The following EGFLAM variants were observed in gnomAD, a reference collection of about 807,000 sequenced individuals.
EGFLAM encodes pikachurin.
EGFLAM carries 79 observed loss-of-function variants against 113.1 expected under a neutral mutation model. The ratio of observed to expected loss-of-function variants is 0.70; its 90% CI spans 0.58 to 0.84. The LOEUF (loss-of-function observed/expected upper bound fraction) is 0.84, where lower values mean the gene tolerates loss of function less well. Ranked by LOEUF, EGFLAM falls within the 40% of genes least tolerant of loss-of-function variation. EGFLAM has a pLI of 0.00. For synonymous variants in EGFLAM, 504 were observed against 487.6 expected (o/e 1.03, Z -0.44); for missense variants, 1,265 against 1,291.6 (o/e 0.98, Z 0.32).
chr5:38,276,687 GAA>G (rs1031866556), intron 1 of EGFLAM, among the ~76,000 whole-genome samples: 2 of 149,578 alleles, frequency 1.3e-5, no homozygotes, highest in African/African-American at 4.9e-5. Flanking sequence ...AGCTAGACTA[GAA>G]AAAAAAGAGA....
At chr5:38,359,280 T>C (rs1739857960) in intron 5 of EGFLAM, among the ~76,000 whole-genome samples, 1 of 152,222 alleles carries the variant, frequency 6.6e-6, no homozygotes, top group African/African-American at 2.4e-5. Context: ...ACCTAGAGTT[T>C]TTCTAAAGGT....
chr5:38,316,403 C>T (rs1036997090), intron 1 of EGFLAM, among the ~76,000 whole-genome samples: 5 of 152,180 alleles, frequency 3.3e-5, no homozygotes, highest in African/African-American at 1.2e-4. Context: ...GGTCCTGGCT[C>T]ATGGTCTGTC....
At chr5:38,293,480 C>G (rs914874178) in intron 1 of EGFLAM, among the ~76,000 whole-genome samples, 2 of 152,166 alleles carry the variant, frequency 1.3e-5, no homozygotes, top group Non-Finnish European at 2.9e-5. Context: ...ACTTGGCTGA[C>G]AAGAATTCCT....
chr5:38,317,046 G>C (rs370435465), intron 1 of EGFLAM, among the ~76,000 whole-genome samples: 1 of 152,164 alleles, frequency 6.6e-6, no homozygotes, highest in African/African-American at 2.4e-5. Flanking sequence ...GGAAACATCT[G>C]TTGTGAAGTC....
At chr5:38,283,713 C>G (rs1758082010) in intron 1 of EGFLAM, among the ~76,000 whole-genome samples, 1 of 152,186 alleles carries the variant, frequency 6.6e-6, no homozygotes, top group African/African-American at 2.4e-5. Context: ...GATCCACCAC[C>G]TCTCTGACTC....
At chr5:38,427,276 C>T (rs1742046973) in intron 14 of EGFLAM, 24 bp downstream of exon 14, 1 of 1,605,566 alleles carries the variant, frequency 6.2e-7, no homozygotes, top group African/African-American at 1.3e-5. Flanking sequence ...ACTTCTGGGA[C>T]TCTTTCCCTT....
At chr5:38,413,325 A>G (rs1187647323) in intron 11 of EGFLAM, among the ~76,000 whole-genome samples, 1 of 149,558 alleles carries the variant, frequency 6.7e-6, no homozygotes, top group Non-Finnish European at 1.5e-5. Flanking sequence ...CACCACACCC[A>G]GCCTAGAAGC....
intron 11 of EGFLAM, among the ~76,000 whole-genome samples, chr5:38,413,981 C>T (rs186618945): frequency 8.5e-5 from 13 of 152,286 alleles, no homozygotes; most frequent in Admixed American, 3.9e-4. Flanking sequence ...TGACAGAAGA[C>T]GGAGCTCAGG....
intron 17 of EGFLAM, among the ~76,000 whole-genome samples, chr5:38,444,712 A>C (rs1561097706): frequency 6.6e-6 from 1 of 152,234 alleles, no homozygotes; most frequent in Non-Finnish European, 1.5e-5. Flanking sequence ...TGGGAGGCCC[A>C]GGCAGGTGGA....
At chr5:38,293,760 T>C (rs1579737048) in intron 1 of EGFLAM, among the ~76,000 whole-genome samples, 1 of 152,218 alleles carries the variant, frequency 6.6e-6, no homozygotes, top group Admixed American at 6.5e-5. Context: ...TGATTTGGTG[T>C]CTACACATAT....
At chr5:38,292,804 G>A (rs768927693) in intron 1 of EGFLAM, among the ~76,000 whole-genome samples, 1 of 152,062 alleles carries the variant, frequency 6.6e-6, no homozygotes, top group Non-Finnish European at 1.5e-5. Flanking sequence ...AATGTTGGAA[G>A]GAAAAGACAG....
intron 19 of EGFLAM, among the ~76,000 whole-genome samples, chr5:38,455,169 T>TAA (rs1290770659): frequency 6.6e-6 from 1 of 152,106 alleles, no homozygotes; most frequent in Admixed American, 6.5e-5. Context: ...TGCTACAATT[T>TAA]AAAGGGGGCA....
intron 1 of EGFLAM, among the ~76,000 whole-genome samples, chr5:38,313,101 A>G (rs1295816658): frequency 1.3e-5 from 2 of 152,190 alleles, no homozygotes; most frequent in East Asian, 1.9e-4. Flanking sequence ...CAAAAAAAAT[A>G]AAATAAAATA....
rs141979044 is a variant in EGFLAM, at chr5:38,438,291, G to A, written c.2300G>A (p.Arg767Gln). The change falls in exon 17 of 22, where the codon CGA (arginine) becomes CAA (glutamine). Residue 767 changes from arginine (R) to glutamine (Q), a missense_variant. Transcript: ENST00000322350. ...GSIQKIILND[R>Q]TIHVKHDFTS... Reference sequence around the variant, plus strand: ...TCTCTCAAGATCATCCTGAATGACCGAACCATCCATGTGAAGCATGACTTC... The same window carrying A: ...TCTCTCAAGATCATCCTGAATGACCAAACCATCCATGTGAAGCATGACTTC... 220 of 1,612,912 alleles carry A rather than the reference G, an allele frequency of 1.4e-4. 1 individual carries two copies. The African/African-American group carries it at 2.6e-3, about 19-fold the overall frequency.
intron 5 of EGFLAM, among the ~76,000 whole-genome samples, chr5:38,357,277 C>T (rs1739787466): frequency 6.6e-6 from 1 of 151,990 alleles, no homozygotes; most frequent in South Asian, 2.1e-4. Flanking sequence ...AAGGCAGACC[C>T]TCACCAGGCA....
intron 6 of EGFLAM, chr5:38,403,742 T>A: frequency 6.5e-7 from 1 of 1,535,238 alleles, no homozygotes; most frequent in Non-Finnish European, 8.8e-7. Flanking sequence ...GTAAATGAAA[T>A]TGCAGAAAGC....
chr5:38,278,800 AT>A (rs35990684), intron 1 of EGFLAM, among the ~76,000 whole-genome samples: 62,270 of 150,034 alleles, frequency 0.42, 13,300 homozygotes, highest in Middle Eastern at 0.59. Flanking sequence ...CTGGTCAATG[AT>A]TTTTTTTTTT....
intron 1 of EGFLAM, among the ~76,000 whole-genome samples, chr5:38,313,360 A>G (rs185559452): frequency 2.1e-4 from 32 of 152,368 alleles, no homozygotes; most frequent in Non-Finnish European, 4.0e-4. Context: ...GCATCATTTC[A>G]GTAATAGGCC....
chr5:38,329,056 G>A (rs1738968160), intron 1 of EGFLAM, among the ~76,000 whole-genome samples: 1 of 152,040 alleles, frequency 6.6e-6, no homozygotes, highest in East Asian at 1.9e-4. Flanking sequence ...GGGTCAAGGC[G>A]GGAGGATTGA....
Sources: allele counts gnomAD v4.1 joint callset (sites outside exome capture counted in the v4.1 genomes callset), GRCh38; gene constraint gnomAD v4.1.1; transcripts MANE v1.5; gene names NCBI Gene and HGNC (gene_info 2026-07-23, HGNC 2026-07-21).